Variants in JARID2 observed in about 807,000 individuals in gnomAD.
JARID2 encodes jumonji and AT-rich interaction domain containing 2.
Under a neutral mutation model 125.6 loss-of-function variants are expected in JARID2, and 21 were observed. The ratio of observed to expected loss-of-function variants is 0.17; its 90% CI spans 0.12 to 0.24. The LOEUF is 0.24. JARID2 is among the 10% of genes least tolerant of loss of function. JARID2 has a pLI of 1.00. For missense variants in JARID2, 1,303 were observed against 1,639.6 expected, an observed-to-expected ratio of 0.79 and a Z score of 3.55; for synonymous variants, 736 against 661.6, an observed-to-expected ratio of 1.11 and a Z score of -1.73.
At chr6:15,488,953 C>T (rs537086935) in intron 6 of JARID2, among the ~76,000 whole-genome samples, 1 of 152,286 alleles carries the variant, frequency 6.6e-6, no homozygotes, top group East Asian at 1.9e-4. Flanking sequence ...GCACTGGAGG[C>T]ACAAAGCCCA....
chr6:15,348,988 A>G (rs768684583), intron 1 of JARID2, among the ~76,000 whole-genome samples: 8 of 152,266 alleles, frequency 5.3e-5, no homozygotes, highest in Non-Finnish European at 7.3e-5. Context: ...CTCCATGGAC[A>G]ATGTTGAAAA....
At chr6:15,393,327 C>T (rs952324862) in intron 2 of JARID2, among the ~76,000 whole-genome samples, 2 of 152,192 alleles carry the variant, frequency 1.3e-5, no homozygotes, top group Non-Finnish European at 2.9e-5. Flanking sequence ...CAATTTATTG[C>T]TGAGTTCAAA....
intron 1 of JARID2, among the ~76,000 whole-genome samples, chr6:15,254,098 C>G (rs1021558241): frequency 3.3e-5 from 5 of 152,262 alleles, no homozygotes; most frequent in Non-Finnish European, 4.4e-5. Flanking sequence ...TCCGTCTTCC[C>G]TGCATGTTTG....
At chr6:15,315,185 G>A (rs78684241) in intron 1 of JARID2, among the ~76,000 whole-genome samples, 1,941 of 152,270 alleles carry the variant, frequency 0.013, 46 homozygotes, top group African/African-American at 0.044. Flanking sequence ...GAAGAGCAAC[G>A]TGCTTGTCCA....
chr6:15,420,329 G>A (rs1429968342), intron 3 of JARID2, among the ~76,000 whole-genome samples: 1 of 151,658 alleles, frequency 6.6e-6, no homozygotes, highest in African/African-American at 2.4e-5. Flanking sequence ...CTTGAACCCA[G>A]GAGGCGGAGG....
At position 15,452,126 on chromosome 6, in the gene JARID2, T is replaced by A; in HGVS notation, c.444T>A (p.Ser148=). The A allele has an allele frequency of 6.2e-7, 1 of 1,614,132 alleles. No homozygotes were observed. Among genetic ancestry groups the A allele is most frequent in the South Asian group, 1.1e-5 (1 of 91,086 alleles). The change falls in exon 4 of 18, where the codon TCT becomes TCA. Residue 148 remains serine, a synonymous_variant. Transcript: ENST00000341776. ...PPPATQISDL[S]KRKPKTEDFL... is the part of the protein sequence containing the mutation. The stretch of plus-strand genomic sequence containing the variant: ...CAGCTACTCAGATATCAGACCTCTC[T>A]AAAAGGAAGCCTAAGACAGAAGATT...
At chr6:15,482,920 A>G (rs1769692645) in intron 5 of JARID2, among the ~76,000 whole-genome samples, 1 of 151,912 alleles carries the variant, frequency 6.6e-6, no homozygotes, top group African/African-American at 2.4e-5. Flanking sequence ...AGTTCTTGTT[A>G]GCACCTTTGG....
intron 1 of JARID2, among the ~76,000 whole-genome samples, chr6:15,316,667 T>C (rs1333870213): frequency 1.3e-5 from 2 of 152,058 alleles, no homozygotes; most frequent in African/African-American, 2.4e-5. Context: ...CATGCCCAGC[T>C]AATTTTTATA....
chr6:15,416,590 A>ACTC (rs1766228207), intron 3 of JARID2, among the ~76,000 whole-genome samples: 2 of 152,090 alleles, frequency 1.3e-5, no homozygotes, highest in South Asian at 2.1e-4. Context: ...CGGCAGGCTG[A>ACTC]GGCAGGAGAA....
At chr6:15,355,957 C>T (rs1013982651) in intron 1 of JARID2, among the ~76,000 whole-genome samples, 4 of 152,102 alleles carry the variant, frequency 2.6e-5, no homozygotes, top group South Asian at 2.1e-4. Flanking sequence ...AAGAGAAACC[C>T]GATATCCATT....
rs74387607 is a variant in JARID2, at chr6:15,432,664, A to C, written c.324-19342A>C. Among the ~76,000 whole-genome samples the C allele has an allele frequency of 1.9e-3, 296 of 152,334 alleles. 5 individuals carry two copies. In the East Asian group the frequency reaches 0.055, roughly 28 times the overall value. On this transcript the variant is annotated intron_variant, in intron 3 of 17. Transcript: ENST00000341776. ...CCATAGCTGGAAAGTTTGGAATGTT[A>C]CAAAGTTATTTACTTGGGCTAGAAG...
rs186149680 is a variant in JARID2, at chr6:15,283,791, C to T, written c.45+37207C>T. 5.5e-3 allele frequency among the ~76,000 whole-genome samples: 826 copies of T among 150,494 alleles called. 6 individuals are homozygous for T. Among genetic ancestry groups the T allele is most frequent in the African/African-American group, 0.019 (759 of 40,946 alleles). On this transcript the variant is annotated intron_variant, in intron 1 of 17. Coordinates refer to ENST00000341776, the MANE Select transcript of JARID2 (RefSeq NM_004973.4). ...CGCGATCACGGCTCACTGCAAGCTC[C>T]ACCTCCTGGGTTCATGCCATTCTCC... is the stretch of plus-strand genomic sequence containing the variant.
chr6:15,519,306 T>C (rs2127776827), intron 17 of JARID2, among the ~76,000 whole-genome samples: 1 of 152,272 alleles, frequency 6.6e-6, no homozygotes, highest in Admixed American at 6.5e-5. Context: ...TACAGATACG[T>C]GTGGACCGCC....
intron 16 of JARID2, among the ~76,000 whole-genome samples, chr6:15,515,511 A>T (rs571473619): frequency 1.3e-5 from 2 of 152,232 alleles, no homozygotes; most frequent in East Asian, 3.9e-4. Context: ...ATGTATTGTG[A>T]GGCCGGGCAT....
chr6:15,344,969 A>G (rs562118836), intron 1 of JARID2, among the ~76,000 whole-genome samples: 1 of 152,302 alleles, frequency 6.6e-6, no homozygotes, highest in East Asian at 1.9e-4. Context: ...GAATTAGGGA[A>G]GTAAGTTTGC....
intron 1 of JARID2, chr6:15,248,691 C>T (rs972128193): frequency 5.8e-5 from 9 of 154,562 alleles, no homozygotes; most frequent in African/African-American, 1.4e-4. Flanking sequence ...CCTCCCTCCG[C>T]CCCCCGCGGC....
At position 15,310,349 on chromosome 6, in the gene JARID2, A is replaced by G. The variant is rs953844133; in HGVS notation, c.45+63765A>G. 2.6e-5 allele frequency among the ~76,000 whole-genome samples: 4 copies of G among 152,208 alleles called. No homozygotes were observed. The South Asian group carries it at 8.3e-4, about 32-fold the overall frequency. The stretch of plus-strand genomic sequence containing the variant: ...TTAAGAAAATCAATATTCTTTACAA[A>G]TGACTAGTCACAGTGGAACTGGTCT... On this transcript the variant is annotated intron_variant, in intron 1 of 17. Transcript: ENST00000341776.
At chr6:15,331,356 C>G (rs76855687) in intron 1 of JARID2, among the ~76,000 whole-genome samples, 2 of 112,182 alleles carry the variant, frequency 1.8e-5, no homozygotes, top group South Asian at 5.8e-4. Flanking sequence ...AAAACAAAAA[C>G]AAAAAAAACA....
intron 1 of JARID2, among the ~76,000 whole-genome samples, chr6:15,285,899 G>A (rs1190864048): frequency 1.3e-5 from 2 of 151,488 alleles, no homozygotes; most frequent in Non-Finnish European, 3.0e-5. Context: ...GTATTTTAAA[G>A]CCCACTTGAT....
Sources: gnomAD v4.1 joint callset for allele counts (sites outside exome capture counted in the v4.1 genomes callset) on GRCh38, gnomAD v4.1.1 for gene constraint, MANE v1.5 for transcripts, NCBI Gene and HGNC (gene_info 2026-07-23, HGNC 2026-07-21) for gene names.